PARD3: variants seen among roughly 807,000 people sequenced by gnomAD.
PARD3 encodes partitioning defective 3 homolog.
In PARD3, 75 loss-of-function variants were observed where a neutral mutation model predicts 155.4. The ratio of observed to expected loss-of-function variants is 0.48; its 90% confidence interval spans 0.40 to 0.58. PARD3 has a LOEUF of 0.58. PARD3 is among the 20% of genes least tolerant of loss of function. PARD3 has a pLI of 0.00. For missense variants in PARD3, 1,642 were observed against 1,721.7 expected (o/e 0.95, Z 0.82); for synonymous variants, 576 against 610.5 (o/e 0.94, Z 0.83).
At chr10:34,514,854 C>G (rs1390096421) in intron 3 of PARD3, among the ~76,000 whole-genome samples, 1 of 152,124 alleles carries the variant, frequency 6.6e-6, no homozygotes, top group Non-Finnish European at 1.5e-5. Flanking sequence ...CATAAATCAA[C>G]ATAAAGAAAT....
chr10:34,434,310 A>G (rs1315097685), intron 5 of PARD3, among the ~76,000 whole-genome samples: 2 of 152,216 alleles, frequency 1.3e-5, no homozygotes, highest in Non-Finnish European at 2.9e-5. Flanking sequence ...CACCAATATC[A>G]GCCCTCACAC....
At chr10:34,343,747 T>C (rs1248155986) in intron 15 of PARD3, 1 of 984,322 alleles carries the variant, frequency 1.0e-6, no homozygotes, top group African/African-American at 1.7e-5. Flanking sequence ...CTTCTATGAC[T>C]TGAGAAGGCT....
At chr10:34,204,182 A>C (rs1376544037) in intron 22 of PARD3, among the ~76,000 whole-genome samples, 1 of 152,200 alleles carries the variant, frequency 6.6e-6, no homozygotes, top group Non-Finnish European at 1.5e-5. Context: ...TTTTCAAAGA[A>C]AGTTGCAAGT....
At chr10:34,403,652 T>C (rs948867133) in intron 5 of PARD3, among the ~76,000 whole-genome samples, 1 of 152,298 alleles carries the variant, frequency 6.6e-6, no homozygotes, top group African/African-American at 2.4e-5. Context: ...GGCTATTTGA[T>C]TGATGATGCT....
chr10:34,350,059 A>G (rs899352325), intron 14 of PARD3, among the ~76,000 whole-genome samples: 5 of 152,240 alleles, frequency 3.3e-5, no homozygotes, highest in Admixed American at 1.3e-4. Flanking sequence ...ATCTCAAAAG[A>G]CAGATTTAAA....
intron 3 of PARD3, among the ~76,000 whole-genome samples, chr10:34,511,437 C>T (rs888666906): frequency 3.9e-5 from 6 of 152,132 alleles, no homozygotes; most frequent in Admixed American, 2.6e-4. Flanking sequence ...CTCACAGTCC[C>T]GGAGCCCAAG....
intron 1 of PARD3, among the ~76,000 whole-genome samples, chr10:34,809,090 G>A (rs1473996596): frequency 2.6e-5 from 4 of 152,192 alleles, no homozygotes; most frequent in African/African-American, 9.6e-5. Flanking sequence ...TAACTTCCAA[G>A]TACTCCAAAC....
chr10:34,117,383 G>A (rs1162057397), intron 24 of PARD3, among the ~76,000 whole-genome samples: 1 of 152,094 alleles, frequency 6.6e-6, no homozygotes, highest in Non-Finnish European at 1.5e-5. Flanking sequence ...GGGCCAATTC[G>A]TCCACACTGT....
chr10:34,209,625 T>C (rs1325617452), intron 22 of PARD3, among the ~76,000 whole-genome samples: 2 of 152,218 alleles, frequency 1.3e-5, no homozygotes, highest in African/African-American at 4.8e-5. Flanking sequence ...TAGGTTCAAA[T>C]CTTGGTTCCC....
intron 22 of PARD3, among the ~76,000 whole-genome samples, chr10:34,205,155 C>A (rs1951410443): frequency 6.6e-6 from 1 of 151,798 alleles, no homozygotes; most frequent in South Asian, 2.1e-4. Context: ...GTGTTATACA[C>A]CTGCTGGAAA....
intron 3 of PARD3, among the ~76,000 whole-genome samples, chr10:34,493,718 G>A (rs1405383369): frequency 6.6e-6 from 1 of 150,416 alleles, no homozygotes; most frequent in African/African-American, 2.5e-5. Context: ...GGCGACAAAA[G>A]CGAAACTCTG....
intron 20 of PARD3, among the ~76,000 whole-genome samples, chr10:34,285,214 A>G (rs1270823776): frequency 6.6e-6 from 1 of 152,218 alleles, no homozygotes; most frequent in Non-Finnish European, 1.5e-5. Flanking sequence ...AAGTATATTG[A>G]GTATTTCTTT....
At chr10:34,398,374 G>A (rs1359223969) in intron 7 of PARD3, among the ~76,000 whole-genome samples, 1 of 152,082 alleles carries the variant, frequency 6.6e-6, no homozygotes, top group African/African-American at 2.4e-5. Flanking sequence ...TTTAAACTAT[G>A]TTCTACGGTC....
chr10:34,805,286 G>C (rs1008847082), intron 1 of PARD3, among the ~76,000 whole-genome samples: 1 of 152,126 alleles, frequency 6.6e-6, no homozygotes, highest in Non-Finnish European at 1.5e-5. Context: ...GAACCCAGGA[G>C]GCAGAGGTTG....
chr10:34,293,293 C>T (rs1193545428), intron 20 of PARD3, among the ~76,000 whole-genome samples: 3 of 152,020 alleles, frequency 2.0e-5, no homozygotes, highest in East Asian at 1.9e-4. Context: ...ATAATTTCTG[C>T]GGCAAAATAT....
At chr10:34,448,936 T>A (rs1275219674) in intron 5 of PARD3, among the ~76,000 whole-genome samples, 1 of 150,388 alleles carries the variant, frequency 6.6e-6, no homozygotes. Flanking sequence ...TTTTTTTTTT[T>A]GAGAGAGAGT....
At chr10:34,378,416 T>C (rs1260381401) in intron 9 of PARD3, among the ~76,000 whole-genome samples, 2 of 152,158 alleles carry the variant, frequency 1.3e-5, no homozygotes, top group African/African-American at 4.8e-5. Flanking sequence ...GAATAGGAAA[T>C]TCACTACATG....
rs567701411 is a variant in PARD3 at position 34,237,017 on chromosome 10, G to A, written c.3419+32640C>T. Among the ~76,000 whole-genome samples, 6 of 152,224 alleles carry A rather than the reference G, an allele frequency of 3.9e-5. No homozygotes were observed. The East Asian group carries it at 9.7e-4, about 24-fold the overall frequency. On this transcript the variant is annotated intron_variant, in intron 22 of 24. Coordinates refer to ENST00000374788, the MANE Select transcript of PARD3 (RefSeq NM_001184785.2). Reference sequence around the variant, plus strand: ...ATCCGAATAACAGAGAAGCTGTAACGGACAGATGCTGAGGTCAAGACAACT... The same window carrying A: ...ATCCGAATAACAGAGAAGCTGTAACAGACAGATGCTGAGGTCAAGACAACT...
At chr10:34,785,363 T>G (rs1840821718) in intron 1 of PARD3, among the ~76,000 whole-genome samples, 1 of 152,248 alleles carries the variant, frequency 6.6e-6, no homozygotes, top group Non-Finnish European at 1.5e-5. Context: ...TTTATATCCT[T>G]AATTTTGCAT....
Sources: gnomAD v4.1 joint callset for allele counts (sites outside exome capture counted in the v4.1 genomes callset) on GRCh38, gnomAD v4.1.1 for gene constraint, MANE v1.5 for transcripts, NCBI Gene and HGNC (gene_info 2026-07-23, HGNC 2026-07-21) for gene names.